PCDHGA10: variants seen among roughly 807,000 people sequenced by gnomAD.
PCDHGA10 encodes the protein protocadherin gamma-A10.
Under a neutral mutation model 59.5 loss-of-function variants are expected in PCDHGA10, and 42 were observed. That is an observed-to-expected ratio of 0.71 (90% CI 0.55 to 0.91). The LOEUF is 0.91. PCDHGA10 is among the 40% of genes least tolerant of loss of function. The probability of loss-of-function intolerance (pLI) is 0.00; values close to 1 mark genes in which losing one functional copy is unlikely to be tolerated. For missense variants in PCDHGA10, 1,111 were observed against 1,198.2 expected (o/e 0.93, Z 1.07); for synonymous variants, 511 against 517.2 (o/e 0.99, Z 0.16).
chr5:141,459,315 T>A (rs2154566534), intron 1 of PCDHGA10, among the ~76,000 whole-genome samples: 1 of 152,362 alleles, frequency 6.6e-6, no homozygotes, highest in Non-Finnish European at 1.5e-5. Flanking sequence ...CTATTTTGTA[T>A]CCATCTTCTT....
rs576983336 is a variant in PCDHGA10, at chr5:141,489,165, G to A, written c.2437-5642G>A. 5.8e-4 allele frequency: 625 copies of A among 1,082,080 alleles called. 8 individuals are homozygous for A. The South Asian group carries it at 7.9e-3, about 14-fold the overall frequency. The allele number at this position is 1,082,080 out of a possible 1,614,324, so 67.0% of individuals were successfully genotyped here. On this transcript the variant is annotated intron_variant, in intron 1 of 3. Transcript: ENST00000398610. The surrounding 1 kb of genome is among the most constrained non-coding windows in gnomAD (Gnocchi z 4.5). ...GAAGGAGACATAAGAGACTTCAGCT[G>A]CTGCATTCCAAGCCCTGGGTCTACC...
In PCDHGA10 at chr5:141,447,883, C is replaced by T. The variant is rs184337553; in HGVS notation, c.2436+32272C>T. Among the ~76,000 whole-genome samples the T allele has an allele frequency of 3.9e-3, 599 of 152,000 alleles. 3 individuals are homozygous for T. The highest frequency in any genetic ancestry group is 0.014 in the African/African-American group (563 of 41,452). ...GGTGAATCATCTGAGGTCAGGAGTT[C>T]GAGACCAGCCTGGCCAACATGGTGA... On this transcript the variant is annotated intron_variant, in intron 1 of 3. Coordinates refer to ENST00000398610, the MANE Select transcript of PCDHGA10 (RefSeq NM_018913.3).
Position 141,490,122 on chromosome 5 carries a change from C to T in PCDHGA10, c.2437-4685C>T. 3 of 1,614,260 alleles carry T rather than the reference C, an allele frequency of 1.9e-6. No homozygotes were observed. The highest frequency in any genetic ancestry group is 2.5e-6 in the Non-Finnish European group (3 of 1,180,046). On this transcript the variant is annotated intron_variant, in intron 1 of 3. Coordinates refer to ENST00000398610, the MANE Select transcript of PCDHGA10 (RefSeq NM_018913.3). The surrounding 1 kb of genome is among the most constrained non-coding windows in gnomAD (Gnocchi z 5.4). ...CTGAGGCAGTGCGGAACCTCTTTGG[C>T]CTAGACCCTAGCAGTGGGGCAATCC... is the stretch of plus-strand genomic sequence containing the variant.
At chr5:141,463,412 A>G (rs1397215687) in intron 1 of PCDHGA10, among the ~76,000 whole-genome samples, 9 of 127,856 alleles carry the variant, frequency 7.0e-5, no homozygotes, top group Non-Finnish European at 1.5e-4. Flanking sequence ...TGGAGATCCT[A>G]GTTTGCGGAT....
intron 3 of PCDHGA10, among the ~76,000 whole-genome samples, chr5:141,508,986 G>C (rs1298630784): frequency 2.0e-5 from 3 of 152,148 alleles, no homozygotes; most frequent in Non-Finnish European, 4.4e-5. Context: ...GTGGGGGCCA[G>C]CTGGGGTAGG....
chr5:141,418,864 A>T, intron 1 of PCDHGA10: 1 of 1,614,046 alleles, frequency 6.2e-7, no homozygotes, highest in Non-Finnish European at 8.5e-7. Context: ...AAGTAATTGT[A>T]GAAGTTGTAG....
intron 1 of PCDHGA10, chr5:141,419,669 C>T: frequency 6.2e-7 from 1 of 1,612,840 alleles, no homozygotes; most frequent in Non-Finnish European, 8.5e-7. Context: ...CAATGCCTGG[C>T]TGTCCTACCA....
In PCDHGA10 at chr5:141,511,070, G is replaced by A. The variant is rs1341623011; in HGVS notation, c.2708G>A (p.Gly903Asp). ...PDYRQNVYIP[G>D]SNATLTNAAG... ...TACCGCCAGAATGTCTACATCCCAG[G>A]CAGCAATGCCACACTGACCAACGCA... The change falls in exon 4 of 4, where the codon GGC (glycine) becomes GAC (aspartate). Residue 903 changes from glycine to aspartate, a missense_variant. Physicochemically the swap from Gly to Asp is moderately conservative, Grantham distance 94 (BLOSUM62 -1). Transcript: ENST00000398610. 2.5e-6 allele frequency: 4 copies of A among 1,614,218 alleles called. No homozygotes were observed. Among genetic ancestry groups the A allele is most frequent in the Admixed American group, 1.7e-5 (1 of 60,030 alleles).
chr5:141,423,213 C>A, intron 1 of PCDHGA10: 1 of 1,613,710 alleles, frequency 6.2e-7, no homozygotes, highest in Non-Finnish European at 8.5e-7. Flanking sequence ...TCACGCTCAC[C>A]GTGGCTGTGG....
At chr5:141,433,604 G>A (rs2097631609) in intron 1 of PCDHGA10, among the ~76,000 whole-genome samples, 1 of 152,138 alleles carries the variant, frequency 6.6e-6, no homozygotes, top group Non-Finnish European at 1.5e-5. Flanking sequence ...GGGAGGCCGA[G>A]GCGGGTGGAT....
At chr5:141,457,111 G>T (rs922281700) in intron 1 of PCDHGA10, among the ~76,000 whole-genome samples, 1 of 152,120 alleles carries the variant, frequency 6.6e-6, no homozygotes, top group African/African-American at 2.4e-5. Context: ...AGCAAAATAC[G>T]ACAGCAATGG....
At chr5:141,437,878 C>A (rs1047761465) in intron 1 of PCDHGA10, among the ~76,000 whole-genome samples, 13 of 151,996 alleles carry the variant, frequency 8.6e-5, no homozygotes, top group Non-Finnish European at 1.5e-4. Flanking sequence ...GCTGGGACTA[C>A]AGGCACACGC....
chr5:141,489,425 G>T lies in PCDHGA10; in HGVS notation c.2437-5382G>T, dbSNP rs779739693. 6.2e-7 allele frequency: 1 copy of T among 1,614,118 alleles called. No homozygotes were observed. The highest frequency in any genetic ancestry group is 8.5e-7 in the Non-Finnish European group (1 of 1,180,030). The stretch of plus-strand genomic sequence containing the variant: ...TTAAAGATGACAGATCTGTTGAGCC[G>T]GCGGCTGCAATTGGGCTCTGAGGAG... On this transcript the variant is annotated intron_variant, in intron 1 of 3. Transcript: ENST00000398610. This position sits in a 1 kb window ranked among gnomAD's most constrained non-coding sequence, Gnocchi z 4.5.
At chr5:141,415,982 T>G in intron 1 of PCDHGA10, 1 of 342,492 alleles carries the variant, frequency 2.9e-6, no homozygotes, top group Non-Finnish European at 4.9e-6. Flanking sequence ...AGCAACCCTC[T>G]TGTTCTGAAG....
At chr5:141,443,059 A>G (rs148799842) in intron 1 of PCDHGA10, among the ~76,000 whole-genome samples, 145 of 152,348 alleles carry the variant, frequency 9.5e-4, no homozygotes, top group African/African-American at 3.3e-3. Context: ...GTTCCACTGA[A>G]GAGCGTCTTA....
At position 141,505,514 on chromosome 5, in the gene PCDHGA10, G is replaced by A. The variant is rs758026551; in HGVS notation, c.2584+33G>A. The A allele has an allele frequency of 1.2e-5, 20 of 1,613,682 alleles. No homozygotes were observed. The South Asian group carries it at 1.8e-4, about 14-fold the overall frequency. ...GTGTCAGTGTGTGTATGGAAGAGTGGGAGACCTGGGGTTCTGGGGTGCATC... is the reference window on the plus strand; with the variant it reads ...GTGTCAGTGTGTGTATGGAAGAGTGAGAGACCTGGGGTTCTGGGGTGCATC... On this transcript the variant is annotated intron_variant, in intron 3 of 3. Transcript: ENST00000398610.
At chr5:141,430,351 A>G (rs923321842) in intron 1 of PCDHGA10, among the ~76,000 whole-genome samples, 5 of 152,046 alleles carry the variant, frequency 3.3e-5, no homozygotes, top group African/African-American at 1.2e-4. Flanking sequence ...CAATTCATTT[A>G]AAAGCTCATT....
intron 1 of PCDHGA10, chr5:141,427,676 T>G: frequency 1.2e-6 from 1 of 813,766 alleles, no homozygotes; most frequent in Non-Finnish European, 2.1e-6. Flanking sequence ...AAAACAACCT[T>G]CCCGGAGCCT....
At position 141,493,512 on chromosome 5, in the gene PCDHGA10, C is replaced by A. The variant is rs1327850681; in HGVS notation, c.2437-1295C>A. The stretch of plus-strand genomic sequence containing the variant: ...CTGTGGCTCCTCATTTCTGAGCAGT[C>A]CCCGCAGCGCAAACTTGGCCAGTTA... On this transcript the variant is annotated intron_variant, in intron 1 of 3. Transcript: ENST00000398610. The surrounding 1 kb of genome is among the most constrained non-coding windows in gnomAD (Gnocchi z 4.3). Among the ~76,000 whole-genome samples the A allele has an allele frequency of 1.3e-5, 2 of 152,148 alleles. No individual in the cohort carries two copies. Among genetic ancestry groups the A allele is most frequent in the South Asian group, 4.1e-4 (2 of 4,824 alleles).
Sources: gnomAD v4.1 joint callset for allele counts (sites outside exome capture counted in the v4.1 genomes callset) on GRCh38, gnomAD v4.1.1 for gene constraint, Gnocchi (gnomAD v3.1) non-coding constraint, MANE v1.5 for transcripts, NCBI Gene and HGNC (gene_info 2026-07-23, HGNC 2026-07-21) for gene names.